CFAP74: variants seen among roughly 807,000 people sequenced by gnomAD.
CFAP74 encodes cilia and flagella associated protein 74.
Under a neutral mutation model 188.9 loss-of-function variants are expected in CFAP74, and 124 were observed. The observed-to-expected ratio is 0.66, with a 90% CI of 0.57 to 0.76. The LOEUF (loss-of-function observed/expected upper bound fraction) is 0.76, where lower values mean the gene tolerates loss of function less well. CFAP74 is among the 30% of genes least tolerant of loss of function. The pLI is 0.00. For synonymous variants in CFAP74, 956 were observed against 916.7 expected, an observed-to-expected ratio of 1.04 and a Z score of -0.77; for missense variants, 2,198 against 2,165.2, an observed-to-expected ratio of 1.02 and a Z score of -0.30.
At position 1,988,768 on chromosome 1, in the gene CFAP74, G is replaced by A. The variant is rs1375311612; in HGVS notation, c.153-113C>T. On this transcript the variant is annotated intron_variant, in intron 3 of 38. Transcript: ENST00000682832. ...ACAGTTCTGCTTCAGGGCGGGAGCTGCGGGAGCTACAGCCTGTGGGAGGGA... is the reference window on the plus strand; with the variant it reads ...ACAGTTCTGCTTCAGGGCGGGAGCTACGGGAGCTACAGCCTGTGGGAGGGA... 4 of 1,387,648 alleles carry A rather than the reference G, an allele frequency of 2.9e-6. No individual in the cohort carries two copies. The Admixed American group carries it at 5.8e-5, about 20-fold the overall frequency. 86.0% of individuals were successfully genotyped at this position (1,387,648 alleles called of 1,614,324 possible). A position where few individuals can be genotyped will look rare whatever the true frequency, so the allele number is the denominator to read the frequency against.
chr1:1,959,001 T>C, intron 16 of CFAP74, 119 bp downstream of exon 16: 1 of 682,600 alleles, frequency 1.5e-6, no homozygotes, highest in Non-Finnish European at 2.5e-6. Flanking sequence ...TGGTGAAGAT[T>C]GGAGCTTCCA....
At chr1:1,959,019 C>G in intron 16 of CFAP74, 101 bp downstream of exon 16, 1 of 765,776 alleles carries the variant, frequency 1.3e-6, no homozygotes, top group East Asian at 2.6e-5. Context: ...CCACCTGGTC[C>G]CCCCGCCAAC....
In CFAP74 at chr1:1,968,016, ATGAATGAG is replaced by A. The variant is rs1034163204; in HGVS notation, c.1245+611_1245+618del. ...AGTGAATGAGTGAGCGAATGAGTGA[ATGAATGAG>A]TGAATGAGTGAATGAATAAGTGTAT... On this transcript the variant is annotated intron_variant, in intron 11 of 38. Coordinates refer to ENST00000682832, the MANE Select transcript of CFAP74 (RefSeq NM_001304360.2). This position sits in a 1 kb window ranked among gnomAD's most constrained non-coding sequence, Gnocchi z 4.3. Among the ~76,000 whole-genome samples, 118 of 92,634 alleles carry A rather than the reference ATGAATGAG, an allele frequency of 1.3e-3. No homozygotes were observed. Among genetic ancestry groups the A allele is most frequent in the African/African-American group, 3.9e-3 (110 of 27,964 alleles). The allele number at this position is 92,634 out of a possible 152,430, so 60.8% of individuals were successfully genotyped here.
rs190481010 is a variant in CFAP74, at chr1:1,968,066, G to C, written c.1245+569C>G. On this transcript the variant is annotated intron_variant, in intron 11 of 38. Coordinates refer to ENST00000682832, the MANE Select transcript of CFAP74 (RefSeq NM_001304360.2). The surrounding 1 kb of genome is among the most constrained non-coding windows in gnomAD (Gnocchi z 4.3). ...TAAGTGTATCAGTGAGTGAGTGAAT[G>C]AATGAGTGAATGAGTAAAGAGTGAA... 9.0e-4 allele frequency among the ~76,000 whole-genome samples: 137 copies of C among 152,282 alleles called. 1 individual carries two copies. The highest frequency in any genetic ancestry group is 5.6e-3 in the Admixed American group (86 of 15,306).
intron 17 of CFAP74, among the ~76,000 whole-genome samples, chr1:1,956,405 C>CCTG (rs138065216): frequency 6.6e-6 from 1 of 152,158 alleles, no homozygotes; most frequent in Non-Finnish European, 1.5e-5. Flanking sequence ...AAGGGAGTGT[C>CCTG]CTGCTGCTGC....
chr1:1,959,902 C>G, intron 15 of CFAP74, 62 bp downstream of exon 15: 1 of 1,428,228 alleles, frequency 7.0e-7, no homozygotes, highest in Non-Finnish European at 9.5e-7. Flanking sequence ...CCACCATGCC[C>G]GATCACAGGC....
At chr1:1,938,041 T>C (rs1008825795) in intron 25 of CFAP74, among the ~76,000 whole-genome samples, 5 of 117,126 alleles carry the variant, frequency 4.3e-5, no homozygotes, top group Non-Finnish European at 7.3e-5. Context: ...TGCTCACACA[T>C]ACATGCACTC....
chr1:1,961,925 C>T (rs1301338830), intron 14 of CFAP74, among the ~76,000 whole-genome samples: 2 of 152,212 alleles, frequency 1.3e-5, no homozygotes, highest in Admixed American at 1.3e-4. Context: ...CATCAGAGCC[C>T]ACGCGCCCCT....
intron 27 of CFAP74, 122 bp from the exon 28 acceptor site, chr1:1,927,868 G>T: frequency 8.4e-7 from 1 of 1,185,308 alleles, no homozygotes; most frequent in Non-Finnish European, 1.2e-6. Context: ...TGAATGTGGG[G>T]ACGCAAAAGC....
intron 33 of CFAP74, among the ~76,000 whole-genome samples, chr1:1,925,357 C>T (rs1651799347): frequency 6.6e-6 from 1 of 151,872 alleles, no homozygotes; most frequent in Non-Finnish European, 1.5e-5. Flanking sequence ...CATGAGAGCA[C>T]ACAGGGCAGT....
intron 1 of CFAP74, among the ~76,000 whole-genome samples, chr1:1,996,002 T>C (rs1397167979): frequency 6.6e-6 from 1 of 152,132 alleles, no homozygotes; most frequent in Non-Finnish European, 1.5e-5. Flanking sequence ...TTTTGTTTTT[T>C]GAGGCAGAGT....
At chr1:1,928,009 CG>C (rs1259421900) in intron 27 of CFAP74, 2 of 497,282 alleles carry the variant, frequency 4.0e-6, no homozygotes, top group Non-Finnish European at 7.3e-6. Context: ...CGGCCAGAAC[CG>C]GGGTCCCCAC....
At chr1:1,964,764 TG>T in intron 13 of CFAP74, 123 bp downstream of exon 13, 1 of 1,025,720 alleles carries the variant, frequency 9.7e-7, no homozygotes, top group Non-Finnish European at 1.4e-6. Flanking sequence ...CACTCCAGCC[TG>T]GGCGACAGAG....
In CFAP74 at chr1:1,956,767, C is replaced by G. The variant is rs945601121; in HGVS notation, c.1869G>C (p.Glu623Asp). 1 of 1,613,122 alleles carries G rather than the reference C, an allele frequency of 6.2e-7. No individual in the cohort carries two copies. Among genetic ancestry groups the G allele is most frequent in the East Asian group, 2.2e-5 (1 of 44,842 alleles). ...CCACGTAGCTGCCGAAGTCAATGAG[C>G]TCCTTGTCGAGGGACAGCTGCCAGA... ...TKKCSLSLDK[E>D]LIDFGSYVVG... is the part of the protein sequence containing the mutation. The change falls in exon 17 of 39, where the codon GAG becomes GAC. Residue 623 changes from glutamate (E) to aspartate (D), a missense_variant. Transcript: ENST00000682832.
intron 6 of CFAP74, among the ~76,000 whole-genome samples, chr1:1,976,294 G>A (rs1424425563): frequency 3.3e-5 from 5 of 152,176 alleles, no homozygotes; most frequent in Non-Finnish European, 4.4e-5. Flanking sequence ...TGTTGGGGTC[G>A]TGGGGCGGCT....
intron 1 of CFAP74, among the ~76,000 whole-genome samples, chr1:1,991,962 C>A (rs1285169599): frequency 1.3e-5 from 2 of 151,380 alleles, no homozygotes; most frequent in Non-Finnish European, 2.9e-5. Flanking sequence ...ATGGTGTGAA[C>A]CCAGGAGGCG....
intron 10 of CFAP74, among the ~76,000 whole-genome samples, chr1:1,969,632 C>G (rs1286698929): frequency 6.6e-6 from 1 of 152,252 alleles, no homozygotes; most frequent in African/African-American, 2.4e-5. Flanking sequence ...AGCTGCACTT[C>G]CCGGGTGCCT....
intron 25 of CFAP74, among the ~76,000 whole-genome samples, chr1:1,934,061 C>G (rs1652622751): frequency 1.3e-5 from 2 of 152,188 alleles, no homozygotes; most frequent in African/African-American, 4.8e-5. Context: ...AGACCAGCAG[C>G]AGGGGTCTGA....
intron 25 of CFAP74, among the ~76,000 whole-genome samples, chr1:1,937,443 G>A (rs1433021268): frequency 1.3e-5 from 2 of 152,132 alleles, no homozygotes; most frequent in African/African-American, 4.8e-5. Flanking sequence ...GGAGGCCCCA[G>A]TGGCCCAGGT....
Sources: allele counts gnomAD v4.1 joint callset (sites outside exome capture counted in the v4.1 genomes callset), GRCh38; gene constraint gnomAD v4.1.1; non-coding constraint Gnocchi (gnomAD v3.1); transcripts MANE v1.5; gene names NCBI Gene and HGNC (gene_info 2026-07-23, HGNC 2026-07-21).